NCAM2: variants seen among roughly 807,000 people sequenced by gnomAD.
NCAM2 encodes the protein N-CAM-2.
In NCAM2, 30 loss-of-function variants were observed where a neutral mutation model predicts 98.1. That is an observed-to-expected ratio of 0.31 (90% CI 0.23 to 0.41). The LOEUF is 0.41. Among genes scored for constraint, NCAM2 ranks in the 10% least tolerant of loss-of-function variants. The pLI is 1.00. For missense variants in NCAM2, 867 were observed against 1,005.8 expected (o/e 0.86, Z 1.87); for synonymous variants, 368 against 342.4 (o/e 1.07, Z -0.83).
At chr21:21,278,700 T>G (rs2072820180) in intron 1 of NCAM2, among the ~76,000 whole-genome samples, 1 of 152,160 alleles carries the variant, frequency 6.6e-6, no homozygotes, top group African/African-American at 2.4e-5. Context: ...CAGAGAGGTT[T>G]CTGGAAAGGA....
At chr21:21,383,092 T>C (rs2076194166) in intron 9 of NCAM2, among the ~76,000 whole-genome samples, 1 of 152,198 alleles carries the variant, frequency 6.6e-6, no homozygotes, top group Admixed American at 6.5e-5. Context: ...TTCACCTCAC[T>C]GTACTGGTTG....
intron 16 of NCAM2, among the ~76,000 whole-genome samples, chr21:21,525,012 A>G (rs1989248666): frequency 6.6e-6 from 1 of 152,136 alleles, no homozygotes; most frequent in African/African-American, 2.4e-5. Context: ...AAGTGAAACC[A>G]ATGTTTAGAG....
At chr21:21,089,342 A>T (rs1452884418) in intron 1 of NCAM2, among the ~76,000 whole-genome samples, 1 of 152,186 alleles carries the variant, frequency 6.6e-6, no homozygotes, top group Non-Finnish European at 1.5e-5. Flanking sequence ...AATTTAAAGT[A>T]TAAGTGATTA....
At chr21:21,452,632 T>TTATATATTATATATAAATA (rs1414900587) in intron 12 of NCAM2, among the ~76,000 whole-genome samples, 9 of 114,488 alleles carry the variant, frequency 7.9e-5, no homozygotes, top group African/African-American at 1.4e-4. Flanking sequence ...ATACAATATA[T>TTATATATTATATATAAATA]TATATATTAT....
chr21:21,317,048 A>G (rs2147757134), intron 5 of NCAM2, among the ~76,000 whole-genome samples: 1 of 152,216 alleles, frequency 6.6e-6, no homozygotes, highest in Admixed American at 6.5e-5. Flanking sequence ...CTAGCCATAC[A>G]CAAACTCCAA....
Position 21,332,154 on chromosome 21 carries a change from C to T in NCAM2, c.738-3351C>T, listed in dbSNP as rs116693640. ...TCCTGACCTTGTGATCTGCCCTGCC[C>T]GCCTCGGCCTCCCAAAGTGATAGGA... On this transcript the variant is annotated intron_variant, in intron 6 of 17. Coordinates refer to ENST00000400546, the MANE Select transcript of NCAM2 (RefSeq NM_004540.5). Among the ~76,000 whole-genome samples the T allele has an allele frequency of 8.3e-3, 1,265 of 151,694 alleles. 17 individuals are homozygous for T. The highest frequency in any genetic ancestry group is 0.029 in the African/African-American group (1,208 of 41,328).
intron 16 of NCAM2, among the ~76,000 whole-genome samples, chr21:21,524,173 T>A (rs1372109387): frequency 6.6e-6 from 1 of 152,048 alleles, no homozygotes. Flanking sequence ...GCAGTCAACT[T>A]CAGAGCAAGG....
At chr21:21,073,043 G>A (rs1159039679) in intron 1 of NCAM2, among the ~76,000 whole-genome samples, 1 of 152,048 alleles carries the variant, frequency 6.6e-6, no homozygotes, top group East Asian at 1.9e-4. Context: ...TGGCTGCTCT[G>A]TGTACTTGAT....
Position 21,500,182 on chromosome 21 carries a change from A to G in NCAM2, c.2078-8669A>G, listed in dbSNP as rs538278401. Reference sequence around the variant, plus strand: ...TGCTGTTTATTTTTTTAAATTTTGAATGAATGTCAAATGATATTTTTAATC... The same window carrying G: ...TGCTGTTTATTTTTTTAAATTTTGAGTGAATGTCAAATGATATTTTTAATC... On this transcript the variant is annotated intron_variant, in intron 15 of 17. Transcript: ENST00000400546. Among the ~76,000 whole-genome samples the G allele has an allele frequency of 4.6e-5, 7 of 152,258 alleles. No individual in the cohort carries two copies. The South Asian group carries it at 8.3e-4, about 18-fold the overall frequency.
intron 1 of NCAM2, among the ~76,000 whole-genome samples, chr21:21,195,131 A>T: frequency 6.6e-6 from 1 of 152,204 alleles, no homozygotes; most frequent in East Asian, 1.9e-4. Context: ...ATAGGAATGG[A>T]GAACAGAAAC....
chr21:21,396,003 T>C (rs2145849176), intron 9 of NCAM2, among the ~76,000 whole-genome samples: 1 of 151,894 alleles, frequency 6.6e-6, no homozygotes, highest in Admixed American at 6.6e-5. Flanking sequence ...AAAACAAAGA[T>C]AAATAGATGG....
intron 9 of NCAM2, among the ~76,000 whole-genome samples, chr21:21,397,385 G>A (rs773572484): frequency 6.6e-6 from 1 of 152,172 alleles, no homozygotes; most frequent in Non-Finnish European, 1.5e-5. Flanking sequence ...TTCATGCCAA[G>A]GGGTGCCTAT....
chr21:21,368,920 C>T (rs975323872), intron 8 of NCAM2, among the ~76,000 whole-genome samples: 4 of 151,796 alleles, frequency 2.6e-5, no homozygotes, highest in Non-Finnish European at 4.4e-5. Context: ...TCCAATTGTT[C>T]GTAAAACACC....
intron 12 of NCAM2, among the ~76,000 whole-genome samples, chr21:21,439,278 C>T (rs1194790107): frequency 6.6e-6 from 1 of 152,036 alleles, no homozygotes; most frequent in African/African-American, 2.4e-5. Context: ...GCCATCACAT[C>T]TGGCTAATTT....
chr21:21,529,518 C>A (rs1989507556), intron 16 of NCAM2, among the ~76,000 whole-genome samples: 1 of 151,916 alleles, frequency 6.6e-6, no homozygotes, highest in African/African-American at 2.4e-5. Flanking sequence ...ATTTTAAAAA[C>A]CTTACAGCCA....
In NCAM2 at chr21:21,449,701, G is replaced by T. The variant is rs555154046; in HGVS notation, c.1655-16905G>T. Among the ~76,000 whole-genome samples, 5 of 152,008 alleles carry T rather than the reference G, an allele frequency of 3.3e-5. No individual in the cohort carries two copies. In the South Asian group the frequency reaches 1.0e-3, roughly 32 times the overall value. Reference sequence around the variant, plus strand: ...ATTATAGTATATAAATGTCCTCAAAGGTTAAGGAGGGGTATAGAGCCATTC... The same window carrying T: ...ATTATAGTATATAAATGTCCTCAAATGTTAAGGAGGGGTATAGAGCCATTC... On this transcript the variant is annotated intron_variant, in intron 12 of 17. Transcript: ENST00000400546.
chr21:21,289,841 A>G (rs1025533606), intron 4 of NCAM2, among the ~76,000 whole-genome samples: 4 of 151,964 alleles, frequency 2.6e-5, no homozygotes, highest in African/African-American at 9.7e-5. Context: ...TGAGAAGAAT[A>G]TTTGTATGTC....
intron 1 of NCAM2, among the ~76,000 whole-genome samples, chr21:21,092,860 T>C (rs2066041546): frequency 6.6e-6 from 1 of 151,974 alleles, no homozygotes; most frequent in African/African-American, 2.4e-5. Flanking sequence ...TCTGTGAATG[T>C]CATTTGTTAA....
At chr21:21,355,758 G>C (rs928245558) in intron 8 of NCAM2, among the ~76,000 whole-genome samples, 1 of 151,746 alleles carries the variant, frequency 6.6e-6, no homozygotes, top group African/African-American at 2.4e-5. Flanking sequence ...TGGGACTACA[G>C]GCGCGTGCCA....
Sources: gnomAD v4.1 joint callset for allele counts (sites outside exome capture counted in the v4.1 genomes callset) on GRCh38, gnomAD v4.1.1 for gene constraint, MANE v1.5 for transcripts, NCBI Gene and HGNC (gene_info 2026-07-23, HGNC 2026-07-21) for gene names.